The following RNASE10 variants were observed in gnomAD, a reference collection of about 807,000 sequenced individuals.
The protein encoded by RNASE10 is inactive ribonuclease-like protein 10.
A neutral mutation model predicts 1.1 loss-of-function variants in RNASE10; 2 were observed. The observed-to-expected ratio is 1.82, with a 90% confidence interval of 0.74 to 5.73. The LOEUF is 5.73. RNASE10 is among the 30% of genes most tolerant of loss of function. The pLI is 0.05. For missense variants in RNASE10, 276 were observed against 263.4 expected (o/e 1.05, Z -0.33); for synonymous variants, 97 against 96.2 (o/e 1.01, Z -0.05).
exon 2 of RNASE10, chr14:20,510,652 G>A (rs145328672): frequency 2.3e-5 from 37 of 1,614,140 alleles, no homozygotes; most frequent in Middle Eastern, 3.3e-4. Context: ...GGAGGGAGAC[G>A]GCACCCAAAC....
downstream of RNASE10, among the ~76,000 whole-genome samples, chr14:20,511,808 A>G (rs1170253257): frequency 6.6e-6 from 1 of 151,548 alleles, no homozygotes; most frequent in Non-Finnish European, 1.5e-5. Flanking sequence ...TTCATCTCTT[A>G]CCTTTGCTTT....
upstream of RNASE10, among the ~76,000 whole-genome samples, chr14:20,504,687 C>CA (rs71112507): frequency 0.017 from 744 of 44,446 alleles, 30 homozygotes; most frequent in Non-Finnish European, 0.022. Flanking sequence ...GACTCCGTCT[C>CA]AAAAAAAAAA....
chr14:20,511,899 A>G (rs1050870567), downstream of RNASE10, among the ~76,000 whole-genome samples: 1 of 151,252 alleles, frequency 6.6e-6, no homozygotes, highest in Non-Finnish European at 1.5e-5. Context: ...TCTTCTCTTT[A>G]TCTGGATCCT....
chr14:20,506,601 A>G (rs1422095435), intron 1 of RNASE10, among the ~76,000 whole-genome samples: 1 of 56,214 alleles, frequency 1.8e-5, no homozygotes, highest in Non-Finnish European at 3.3e-5. Flanking sequence ...CCAGCCGCCC[A>G]GTCCGGGAGG....
At chr14:20,504,748 C>G (rs955757794), upstream of RNASE10, among the ~76,000 whole-genome samples, 4 of 139,744 alleles carry the variant, frequency 2.9e-5, no homozygotes, top group East Asian at 6.2e-4. Flanking sequence ...GAACTCCAGG[C>G]GCAGACAGCA....
At chr14:20,508,097 CAT>C (rs1171036272) in intron 1 of RNASE10, among the ~76,000 whole-genome samples, 5 of 152,118 alleles carry the variant, frequency 3.3e-5, no homozygotes, top group African/African-American at 1.2e-4. Flanking sequence ...TAAACACACA[CAT>C]GTATACATAT....
upstream of RNASE10, among the ~76,000 whole-genome samples, chr14:20,504,687 CAAA>C (rs71112507): frequency 1.1e-4 from 5 of 44,550 alleles, no homozygotes; most frequent in African/African-American, 2.9e-4. Context: ...GACTCCGTCT[CAAA>C]AAAAAAAAAA....
chr14:20,513,679 T>C (rs1366442153), downstream of RNASE10, among the ~76,000 whole-genome samples: 1 of 152,240 alleles, frequency 6.6e-6, no homozygotes, highest in Non-Finnish European at 1.5e-5. Context: ...GAAATATCAC[T>C]GTGTTTTGTT....
chr14:20,508,663 TAAGGA>T (rs1029537386), intron 1 of RNASE10, among the ~76,000 whole-genome samples: 1 of 151,992 alleles, frequency 6.6e-6, no homozygotes, highest in Non-Finnish European at 1.5e-5. Flanking sequence ...CTCAACTTAA[TAAGGA>T]AAGGGGGGAA....
At chr14:20,506,284 G>A (rs1233135515) in intron 1 of RNASE10, among the ~76,000 whole-genome samples, 4 of 125,676 alleles carry the variant, frequency 3.2e-5, no homozygotes, top group East Asian at 2.3e-4. Context: ...CCATCTGCCC[G>A]GCCAGCCGCC....
downstream of RNASE10, among the ~76,000 whole-genome samples, chr14:20,513,143 T>C (rs1159683835): frequency 6.6e-6 from 1 of 152,224 alleles, no homozygotes; most frequent in African/African-American, 2.4e-5. Context: ...CACTGTTTGA[T>C]GGGCATACTC....
chr14:20,506,412 G>A (rs1402294927), intron 1 of RNASE10, among the ~76,000 whole-genome samples: 2 of 129,044 alleles, frequency 1.5e-5, no homozygotes, highest in East Asian at 2.2e-4. Context: ...CCCTCTGCCC[G>A]GCCAGCCGTC....
At chr14:20,510,772 G>T in exon 2 of RNASE10, 1 of 1,614,210 alleles carries the variant, frequency 6.2e-7, no homozygotes, top group Non-Finnish European at 8.5e-7. Flanking sequence ...CAGAGCCTCA[G>T]CTCTCTTTCA....
chr14:20,510,999 A>G, exon 2 of RNASE10: 1 of 1,599,342 alleles, frequency 6.3e-7, no homozygotes, highest in South Asian at 1.1e-5. Context: ...TTGATTTGAC[A>G]TTGTGCGAGC....
chr14:20,510,359 A>G (rs574454359), intron 1 of RNASE10, 108 bp from the exon 2 acceptor site: 5 of 1,488,946 alleles, frequency 3.4e-6, no homozygotes, highest in Middle Eastern at 1.8e-4. Context: ...TGCAGAAGAC[A>G]CAGGAGACCC....
At chr14:20,511,671 G>A (rs1418948483), downstream of RNASE10, among the ~76,000 whole-genome samples, 1 of 152,202 alleles carries the variant, frequency 6.6e-6, no homozygotes, top group African/African-American at 2.4e-5. Flanking sequence ...GGGAGGTGGT[G>A]TGGTGCTGTA....
intron 1 of RNASE10, among the ~76,000 whole-genome samples, chr14:20,509,614 C>T (rs1351919127): frequency 6.6e-6 from 1 of 152,098 alleles, no homozygotes; most frequent in Non-Finnish European, 1.5e-5. Context: ...TCCTTTTTAT[C>T]TTTTGTGGGG....
At chr14:20,511,080 A>C in exon 2 of RNASE10, 2 of 1,516,412 alleles carry the variant, frequency 1.3e-6, no homozygotes, top group Non-Finnish European at 8.8e-7. Flanking sequence ...ACATTATTAT[A>C]ACCTGTAATG....
At chr14:20,511,282 T>C, downstream of RNASE10, 2 of 538,514 alleles carry the variant, frequency 3.7e-6, no homozygotes, top group Non-Finnish European at 6.1e-6. Context: ...GGATTAGAGA[T>C]GGTAGGATAA....
Sources: gnomAD v4.1 joint callset for allele counts (sites outside exome capture counted in the v4.1 genomes callset) on GRCh38, gnomAD v4.1.1 for gene constraint, MANE v1.5 for transcripts, NCBI Gene and HGNC (gene_info 2026-07-23, HGNC 2026-07-21) for gene names.